FOXK1: variants seen among roughly 807,000 people sequenced by gnomAD.
FOXK1 encodes forkhead box K1, also known as forkhead box protein K1.
A neutral mutation model predicts 51.9 loss-of-function variants in FOXK1; 19 were observed. The observed-to-expected ratio is 0.37, with a 90% CI of 0.26 to 0.54. The LOEUF is 0.54. FOXK1 is among the 20% of genes least tolerant of loss of function. The probability of loss-of-function intolerance (pLI) is 0.87; values close to 1 mark genes in which losing one functional copy is unlikely to be tolerated. For missense variants in FOXK1, 870 were observed against 1,032.7 expected (o/e 0.84, Z 2.16); for synonymous variants, 537 against 482.6 (o/e 1.11, Z -1.48).
At chr7:4,760,407 C>T (rs1167890064) in intron 7 of FOXK1, among the ~76,000 whole-genome samples, 2 of 152,172 alleles carry the variant, frequency 1.3e-5, no homozygotes, top group African/African-American at 2.4e-5. Flanking sequence ...ACTTCCTCTC[C>T]GCGGTGGTGT....
intron 1 of FOXK1, among the ~76,000 whole-genome samples, chr7:4,706,026 G>GTATATACGTA (rs1562373194): frequency 3.2e-4 from 24 of 74,404 alleles, no homozygotes; most frequent in African/African-American, 1.9e-3. Flanking sequence ...ATATATACGT[G>GTATATACGTA]TATATACGTG....
chr7:4,714,714 T>TA lies in FOXK1; in HGVS notation c.561-26123dup, dbSNP rs146622335. On this transcript the variant is annotated intron_variant, in intron 1 of 8. Coordinates refer to ENST00000328914, the MANE Select transcript of FOXK1 (RefSeq NM_001037165.2). ...GCTTACGTATTTTCTAAGTAGGCGTTACATTCCCGCGGTTCAAAACTCAAA... is the reference window on the plus strand; with the variant it reads ...GCTTACGTATTTTCTAAGTAGGCGTTAACATTCCCGCGGTTCAAAACTCAAA... Among the ~76,000 whole-genome samples, 111 of 152,388 alleles carry TA rather than the reference T, an allele frequency of 7.3e-4. 1 individual carries two copies. The East Asian group carries it at 0.021, about 29-fold the overall frequency.
intron 1 of FOXK1, among the ~76,000 whole-genome samples, chr7:4,685,041 A>G (rs1032238428): frequency 6.6e-6 from 1 of 151,904 alleles, no homozygotes; most frequent in African/African-American, 2.4e-5. Context: ...GACTTGGTGC[A>G]TTAGATGTGC....
Position 4,715,546 on chromosome 7 carries a change from C to G in FOXK1, c.561-25292C>G, listed in dbSNP as rs1290612795. Reference sequence around the variant, plus strand: ...TCTTCATCTATCAGCAGTCAGCTTTCCACTTAAGCAGAGCCAAGTTTAGAA... The same window carrying G: ...TCTTCATCTATCAGCAGTCAGCTTTGCACTTAAGCAGAGCCAAGTTTAGAA... On this transcript the variant is annotated intron_variant, in intron 1 of 8. Coordinates refer to ENST00000328914, the MANE Select transcript of FOXK1 (RefSeq NM_001037165.2). The surrounding 1 kb of genome is among the most constrained non-coding windows in gnomAD (Gnocchi z 4.5). Among the ~76,000 whole-genome samples, 2 of 152,202 alleles carry G rather than the reference C, an allele frequency of 1.3e-5. No individual in the cohort carries two copies. Among genetic ancestry groups the G allele is most frequent in the African/African-American group, 4.8e-5 (2 of 41,442 alleles).
chr7:4,754,719 C>G (rs1256980528), intron 3 of FOXK1, 104 bp downstream of exon 3: 1 of 1,382,166 alleles, frequency 7.2e-7, no homozygotes, highest in Non-Finnish European at 9.8e-7. Context: ...GGCGTGTGCT[C>G]GAGGTGGTCT....
chr7:4,689,304 G>A (rs1779863443), intron 1 of FOXK1, among the ~76,000 whole-genome samples: 1 of 152,078 alleles, frequency 6.6e-6, no homozygotes. Flanking sequence ...GGTTCATTTT[G>A]GCTGCCAGCA....
chr7:4,732,936 C>T (rs181893602), intron 1 of FOXK1, among the ~76,000 whole-genome samples: 290 of 152,342 alleles, frequency 1.9e-3, no homozygotes, highest in Non-Finnish European at 2.7e-3. Context: ...TCTCTGGACG[C>T]TGACCCAACT....
chr7:4,740,645 A>G (rs1780620955), intron 1 of FOXK1, among the ~76,000 whole-genome samples, 193 bp from the exon 2 acceptor site: 1 of 152,062 alleles, frequency 6.6e-6, no homozygotes, highest in African/African-American at 2.4e-5. Context: ...AAATAGAAAG[A>G]CAAGTGACTT....
chr7:4,749,893 C>G lies in FOXK1; in HGVS notation c.747-4566C>G, dbSNP rs1780752841. On this transcript the variant is annotated intron_variant, in intron 2 of 8. Transcript: ENST00000328914. This position sits in a 1 kb window ranked among gnomAD's most constrained non-coding sequence, Gnocchi z 6.0. Reference sequence around the variant, plus strand: ...TCTCATCATAACGTGACCCAGCGACCTGTGTGTCCCACAGCCCGTCCGTCC... The same window carrying G: ...TCTCATCATAACGTGACCCAGCGACGTGTGTGTCCCACAGCCCGTCCGTCC... Among the ~76,000 whole-genome samples, 1 of 152,226 alleles carries G rather than the reference C, an allele frequency of 6.6e-6. No homozygotes were observed. The highest frequency in any genetic ancestry group is 2.4e-5 in the African/African-American group (1 of 41,454).
Position 4,761,327 on chromosome 7 carries a change from C to T in FOXK1, c.1921+39C>T, listed in dbSNP as rs1358946908. 1.3e-6 allele frequency: 2 copies of T among 1,573,366 alleles called. No individual in the cohort carries two copies. Among genetic ancestry groups the T allele is most frequent in the Non-Finnish European group, 1.7e-6 (2 of 1,154,706 alleles). On this transcript the variant is annotated intron_variant, in intron 8 of 8. Transcript: ENST00000328914. The surrounding 1 kb of genome is among the most constrained non-coding windows in gnomAD (Gnocchi z 6.2). ...CCTGTTCTCCATGCCACATCCCAAGCTCTGTGGCTCCCAGTAGTCAGTGCG... is the reference window on the plus strand; with the variant it reads ...CCTGTTCTCCATGCCACATCCCAAGTTCTGTGGCTCCCAGTAGTCAGTGCG...
In FOXK1 at chr7:4,748,205, C is replaced by T. The variant is rs1437763536; in HGVS notation, c.747-6254C>T. Among the ~76,000 whole-genome samples, 5 of 152,186 alleles carry T rather than the reference C, an allele frequency of 3.3e-5. No individual in the cohort carries two copies. The highest frequency in any genetic ancestry group is 6.5e-5 in the Admixed American group (1 of 15,274). ...AGAAAGTGAAAATTCCCCCACACAA[C>T]GCTCCCCAGAGCTGAGCCCTTCTCT... On this transcript the variant is annotated intron_variant, in intron 2 of 8. Coordinates refer to ENST00000328914, the MANE Select transcript of FOXK1 (RefSeq NM_001037165.2). The surrounding 1 kb of genome is among the most constrained non-coding windows in gnomAD (Gnocchi z 4.9).
rs1271603624 is a variant in FOXK1, at chr7:4,743,219, G to A, written c.746+2196G>A. ...GAATGTTCCAGAAGTAGATAGTGGT[G>A]ATGGTTATTCAATTTTGTGAATATC... is the stretch of plus-strand genomic sequence containing the variant. On this transcript the variant is annotated intron_variant, in intron 2 of 8. Coordinates refer to ENST00000328914, the MANE Select transcript of FOXK1 (RefSeq NM_001037165.2). The surrounding 1 kb of genome is among the most constrained non-coding windows in gnomAD (Gnocchi z 5.3). Among the ~76,000 whole-genome samples the A allele has an allele frequency of 1.3e-5, 2 of 152,220 alleles. No individual in the cohort carries two copies. The highest frequency in any genetic ancestry group is 3.8e-4 in the East Asian group (2 of 5,198).
rs377700299 is a variant in FOXK1 at position 4,711,290 on chromosome 7, G to A, written c.560+28422G>A. Among the ~76,000 whole-genome samples the A allele has an allele frequency of 1.9e-4, 29 of 152,262 alleles. No individual in the cohort carries two copies. In the East Asian group the frequency reaches 2.3e-3, roughly 12 times the overall value. ...GGGAAGGCTGAGTGTCCTGGGAAGC[G>A]TCCATGGGATGTATCAGTCAGGGAG... On this transcript the variant is annotated intron_variant, in intron 1 of 8. Transcript: ENST00000328914. The surrounding 1 kb of genome is among the most constrained non-coding windows in gnomAD (Gnocchi z 6.3).
intron 1 of FOXK1, among the ~76,000 whole-genome samples, chr7:4,710,032 C>T (rs893493083): frequency 2.1e-4 from 32 of 152,206 alleles, no homozygotes; most frequent in African/African-American, 5.8e-4. Flanking sequence ...GTTAGTTCAG[C>T]GCCACTTCTT....
intron 2 of FOXK1, among the ~76,000 whole-genome samples, chr7:4,752,227 C>A (rs146765675): frequency 6.9e-4 from 105 of 152,354 alleles, no homozygotes; most frequent in African/African-American, 2.5e-3. Context: ...TCACTGTAGC[C>A]TCAAACTCCT....
intron 1 of FOXK1, among the ~76,000 whole-genome samples, chr7:4,705,545 C>T (rs1181815301): frequency 6.7e-6 from 1 of 149,632 alleles, no homozygotes; most frequent in Non-Finnish European, 1.5e-5. Context: ...CTCTCTCTCT[C>T]TCTCTCTCTC....
At chr7:4,741,945 A>T (rs1410658479) in intron 2 of FOXK1, among the ~76,000 whole-genome samples, 1 of 152,260 alleles carries the variant, frequency 6.6e-6, no homozygotes, top group Non-Finnish European at 1.5e-5. Flanking sequence ...ATGCAAAAAC[A>T]GACGTGTACT....
rs750949290 is a variant in FOXK1, at chr7:4,733,484, G to T, written c.561-7354G>T. Among the ~76,000 whole-genome samples the T allele has an allele frequency of 6.6e-6, 1 of 152,228 alleles. No homozygotes were observed. The highest frequency in any genetic ancestry group is 1.5e-5 in the Non-Finnish European group (1 of 68,034). ...TATCTGGCTGTTGGGAAGGGGAGGA[G>T]TGAAGAAGGCCCTTGGTTCCTCATA... On this transcript the variant is annotated intron_variant, in intron 1 of 8. Coordinates refer to ENST00000328914, the MANE Select transcript of FOXK1 (RefSeq NM_001037165.2). This position sits in a 1 kb window ranked among gnomAD's most constrained non-coding sequence, Gnocchi z 5.0.
intron 1 of FOXK1, among the ~76,000 whole-genome samples, chr7:4,696,019 G>A (rs62453196): frequency 2.3e-3 from 352 of 151,870 alleles, no homozygotes; most frequent in Non-Finnish European, 4.1e-3. Flanking sequence ...AGGAACCTGA[G>A]GCAGGAGAAT....
Sources: allele counts gnomAD v4.1 joint callset (sites outside exome capture counted in the v4.1 genomes callset), GRCh38; gene constraint gnomAD v4.1.1; non-coding constraint Gnocchi (gnomAD v3.1); transcripts MANE v1.5; gene names NCBI Gene and HGNC (gene_info 2026-07-23, HGNC 2026-07-21).